Variants in PUM1 observed in about 807,000 individuals in gnomAD.
PUM1 encodes the protein pumilio homolog 1.
A neutral mutation model predicts 131.8 loss-of-function variants in PUM1; 13 were observed. The ratio of observed to expected loss-of-function variants is 0.10; its 90% CI spans 0.06 to 0.16. The LOEUF (loss-of-function observed/expected upper bound fraction) is 0.16, where lower values mean the gene tolerates loss of function less well. PUM1 is among the 10% of genes least tolerant of loss of function. The pLI is 1.00. For missense variants in PUM1, 961 were observed against 1,512.4 expected, an observed-to-expected ratio of 0.64 and a Z score of 6.05; for synonymous variants, 509 against 556.5, an observed-to-expected ratio of 0.91 and a Z score of 1.20.
chr1:30,988,414 A>T lies in PUM1; in HGVS notation c.1158+3976T>A, dbSNP rs114034050. On this transcript the variant is annotated intron_variant, in intron 7 of 21. Transcript: ENST00000426105. ...ACCAAATCAAAGCCAAGATTGAAAGAAAATATAACAAAAGAGAGAATTACT... is the reference window on the plus strand; with the variant it reads ...ACCAAATCAAAGCCAAGATTGAAAGTAAATATAACAAAAGAGAGAATTACT... Among the ~76,000 whole-genome samples the T allele has an allele frequency of 5.1e-3, 777 of 152,364 alleles. 4 individuals carry two copies. Among genetic ancestry groups the T allele is most frequent in the East Asian group, 0.032 (166 of 5,194 alleles).
chr1:30,978,029 T>C (rs778574659), intron 9 of PUM1, among the ~76,000 whole-genome samples: 7 of 152,056 alleles, frequency 4.6e-5, no homozygotes, highest in Non-Finnish European at 7.4e-5. Context: ...TGGATCACTT[T>C]AAGTCAGGAG....
At chr1:31,058,722 G>C (rs1644305258) in intron 2 of PUM1, among the ~76,000 whole-genome samples, 1 of 151,618 alleles carries the variant, frequency 6.6e-6, no homozygotes, top group East Asian at 1.9e-4. Context: ...TGTAATCCCA[G>C]CACTTTGGGA....
intron 7 of PUM1, among the ~76,000 whole-genome samples, chr1:30,989,170 T>G (rs551689205): frequency 6.0e-4 from 92 of 152,320 alleles, no homozygotes; most frequent in Non-Finnish European, 9.4e-4. Flanking sequence ...CCAACCAGAC[T>G]GACTACTTCT....
At chr1:30,977,848 A>T (rs1260358430) in intron 9 of PUM1, among the ~76,000 whole-genome samples, 1 of 152,242 alleles carries the variant, frequency 6.6e-6, no homozygotes, top group Non-Finnish European at 1.5e-5. Context: ...CAGACAGCAC[A>T]GGCATTCTAT....
At chr1:31,063,346 T>C (rs889187766) in intron 1 of PUM1, among the ~76,000 whole-genome samples, 4 of 152,168 alleles carry the variant, frequency 2.6e-5, no homozygotes, top group African/African-American at 7.2e-5. Flanking sequence ...AAATTTAAAG[T>C]CATCGTGCTT....
intron 2 of PUM1, among the ~76,000 whole-genome samples, chr1:31,057,439 A>C (rs1304673279): frequency 6.7e-6 from 1 of 149,122 alleles, no homozygotes; most frequent in Non-Finnish European, 1.5e-5. Context: ...GAAAAAAAAA[A>C]AAGGGCTGGG....
At chr1:30,961,346 C>CAA (rs11325891) in intron 14 of PUM1, among the ~76,000 whole-genome samples, 16 of 87,934 alleles carry the variant, frequency 1.8e-4, no homozygotes, top group South Asian at 1.3e-3. Flanking sequence ...TTAGTTTCTA[C>CAA]AAAAAAAAAA....
At chr1:30,967,401 C>T in intron 11 of PUM1, 91 bp from the exon 12 acceptor site, 9 of 1,372,028 alleles carry the variant, frequency 6.6e-6, no homozygotes, top group Non-Finnish European at 9.1e-6. Context: ...ACAAACTCAG[C>T]TTTGAGGTTG....
chr1:30,966,404 C>G, intron 12 of PUM1, 126 bp from the exon 13 acceptor site: 1 of 954,960 alleles, frequency 1.0e-6, no homozygotes, highest in Non-Finnish European at 1.5e-6. Flanking sequence ...ACAAACCATA[C>G]AAATCTGTCT....
chr1:30,999,606 C>CAA (rs56936440), intron 5 of PUM1, among the ~76,000 whole-genome samples: 23 of 53,978 alleles, frequency 4.3e-4, no homozygotes, highest in African/African-American at 1.4e-3. Flanking sequence ...GACTCTGTCT[C>CAA]AAAAAAAAAA....
At chr1:30,969,752 T>G (rs929848947) in intron 10 of PUM1, among the ~76,000 whole-genome samples, 1 of 152,086 alleles carries the variant, frequency 6.6e-6, no homozygotes, top group Non-Finnish European at 1.5e-5. Flanking sequence ...CTGTAACCCC[T>G]GCATCCCAGG....
chr1:30,953,555 T>C (rs1640033838), intron 15 of PUM1, among the ~76,000 whole-genome samples, 159 bp downstream of exon 15: 1 of 152,230 alleles, frequency 6.6e-6, no homozygotes, highest in South Asian at 2.1e-4. Context: ...TGTTCATGTT[T>C]GTTTCTTAAA....
chr1:31,000,423 C>G (rs952516898), intron 5 of PUM1, among the ~76,000 whole-genome samples: 1 of 152,144 alleles, frequency 6.6e-6, no homozygotes, highest in Non-Finnish European at 1.5e-5. Flanking sequence ...TGAGAGATCC[C>G]AGACCTACAG....
chr1:30,989,354 C>T (rs557507053), intron 7 of PUM1, among the ~76,000 whole-genome samples: 3 of 152,084 alleles, frequency 2.0e-5, no homozygotes, highest in African/African-American at 4.8e-5. Context: ...GGCAGATCAC[C>T]TGAGGTCAGG....
intron 11 of PUM1, 199 bp downstream of exon 11, chr1:30,968,155 T>C (rs527309319): frequency 6.4e-6 from 5 of 783,060 alleles, no homozygotes; most frequent in African/African-American, 1.7e-5. Flanking sequence ...ACCTCCAATA[T>C]GACTTAAGAC....
At chr1:30,968,113 C>A in intron 11 of PUM1, 3 of 677,378 alleles carry the variant, frequency 4.4e-6, no homozygotes, top group Non-Finnish European at 8.3e-6. Flanking sequence ...CAAGGAAAAA[C>A]CACATATTCC....
In PUM1 at chr1:30,932,844, A is replaced by T. The variant is rs558993064; in HGVS notation, c.*367T>A. 2.0e-3 allele frequency: 305 copies of T among 152,112 alleles called. No homozygotes were observed. The highest frequency in any genetic ancestry group is 3.5e-3 in the Non-Finnish European group (238 of 68,754). 9.4% of individuals were successfully genotyped at this position (152,112 alleles called of 1,614,324 possible). On this transcript the variant is annotated 3_prime_UTR_variant, in exon 22 of 22. Transcript: ENST00000426105. The stretch of plus-strand genomic sequence containing the variant: ...CTTTTCCTTTTTTTCTTTTTTTTTT[A>T]AAGCTTTTTTTTTTTGTTAAACCAA...
intron 17 of PUM1, among the ~76,000 whole-genome samples, chr1:30,947,104 G>A (rs1318728829): frequency 1.3e-5 from 2 of 152,132 alleles, no homozygotes; most frequent in African/African-American, 4.8e-5. Context: ...CATAGATGGA[G>A]ACACCAAGGA....
chr1:31,019,000 C>T (rs1032486715), intron 3 of PUM1, among the ~76,000 whole-genome samples: 7 of 152,138 alleles, frequency 4.6e-5, no homozygotes, highest in Admixed American at 1.3e-4. Flanking sequence ...GGCTGCTGGG[C>T]GACAGTAAGA....
Sources: allele counts gnomAD v4.1 joint callset (sites outside exome capture counted in the v4.1 genomes callset), GRCh38; gene constraint gnomAD v4.1.1; transcripts MANE v1.5; gene names NCBI Gene and HGNC (gene_info 2026-07-23, HGNC 2026-07-21).